CHERP: variants seen among roughly 807,000 people sequenced by gnomAD.
The protein encoded by CHERP is calcium homeostasis endoplasmic reticulum protein.
CHERP carries 8 observed loss-of-function variants against 113.8 expected under a neutral mutation model. The ratio of observed to expected loss-of-function variants is 0.07; its 90% CI spans 0.04 to 0.13. The LOEUF (loss-of-function observed/expected upper bound fraction) is 0.13. Ranked by LOEUF, CHERP falls within the 10% of genes least tolerant of loss-of-function variation. The pLI is 1.00. For missense variants in CHERP, 884 were observed against 1,298.2 expected, an observed-to-expected ratio of 0.68 and a Z score of 4.90; for synonymous variants, 559 against 524.5, an observed-to-expected ratio of 1.07 and a Z score of -0.90.
At position 16,530,887 on chromosome 19, in the gene CHERP, G is replaced by A. The variant is rs1418668451; in HGVS notation, c.675-7C>T. 5 of 1,612,366 alleles carry A rather than the reference G, an allele frequency of 3.1e-6. No homozygotes were observed. The highest frequency in any genetic ancestry group is 2.2e-5 in the East Asian group (1 of 44,880). On this transcript the variant is annotated splice_region_variant and splice_polypyrimidine_tract_variant and intron_variant, in intron 5 of 16. Transcript: ENST00000546361. This position sits in a 1 kb window ranked among gnomAD's most constrained non-coding sequence, Gnocchi z 4.1. The stretch of plus-strand genomic sequence containing the variant: ...CCGGGCCTGCTTGCGCTGGCTGTGA[G>A]GGAGAGACTTTCCGCGCGTCAGGGC...
rs1452657225 is a variant in CHERP at position 16,528,159 on chromosome 19, C to G, written c.1226G>C (p.Gly409Ala). 6.2e-7 allele frequency: 1 copy of G among 1,613,382 alleles called. No individual in the cohort carries two copies. Among genetic ancestry groups the G allele is most frequent in the South Asian group, 1.1e-5 (1 of 91,076 alleles). Reference sequence around the variant, plus strand: ...GTTTGGTGGGATCTGGTCGTGTGGCCCGGGGCCCCGGGGGCCGGCAGCTGC... The same window carrying G: ...GTTTGGTGGGATCTGGTCGTGTGGCGCGGGGCCCCGGGGGCCGGCAGCTGC... The part of the protein sequence containing the change: ...DPAAAGPRGP[G>A]PHDQIPPNKP... The change falls in exon 9 of 17, where the codon GGG becomes GCG. Residue 409 changes from glycine (G) to alanine (A), a missense_variant. By Grantham distance (60) the Gly-to-Ala change is moderately conservative (BLOSUM62 0). This residue lies in a region of CHERP where 464 missense variants were observed against 590.1 expected (regional missense o/e 0.79). Coordinates refer to ENST00000546361, the MANE Select transcript of CHERP (RefSeq NM_006387.6).
Position 16,529,776 on chromosome 19 carries a change from T to G in CHERP, c.1001A>C (p.Gln334Pro). The G allele has an allele frequency of 2.5e-6, 4 of 1,611,316 alleles. No individual in the cohort carries two copies. The highest frequency in any genetic ancestry group is 3.4e-6 in the Non-Finnish European group (4 of 1,179,658). ...FVTSLAQQQQ[Q>P]QQQQQQQLQM... is the part of the protein sequence containing the mutation. Reference sequence around the variant, plus strand: ...GAGCTGCTGCTGCTGCTGTTGCTGCTGCTGCTGCTGCTGGGCCAGGCTGGT... The same window carrying G: ...GAGCTGCTGCTGCTGCTGTTGCTGCGGCTGCTGCTGCTGGGCCAGGCTGGT... The change falls in exon 8 of 17, where the codon CAG becomes CCG. Residue 334 changes from glutamine to proline, a missense_variant. Physicochemically the swap from Gln to Pro is moderately conservative, Grantham distance 76. This residue lies in a region of CHERP where 464 missense variants were observed against 590.1 expected (regional missense o/e 0.79). Coordinates refer to ENST00000546361, the MANE Select transcript of CHERP (RefSeq NM_006387.6).
chr19:16,536,881 G>A (rs2085744664), intron 2 of CHERP, among the ~76,000 whole-genome samples: 3 of 152,110 alleles, frequency 2.0e-5, no homozygotes, highest in South Asian at 4.1e-4. Flanking sequence ...GCGTGGTGGC[G>A]GGCACCTGTA....
chr19:16,518,811 G>A lies in CHERP; in HGVS notation c.*348C>T, dbSNP rs1007965250. The A allele has an allele frequency of 3.5e-6, 1 of 284,810 alleles. No individual in the cohort carries two copies. Among genetic ancestry groups the A allele is most frequent in the Non-Finnish European group, 6.7e-6 (1 of 149,358 alleles). 17.6% of individuals were successfully genotyped at this position (284,810 alleles called of 1,614,324 possible). A position where few individuals can be genotyped will look rare whatever the true frequency, so the allele number is the denominator to read the frequency against. ...ATGCTCCTCCTGGAGCCTAGGAGGA[G>A]GCTTCAATCTGACTTAGGGCAGATG... On this transcript the variant is annotated 3_prime_UTR_variant, in exon 17 of 17. Coordinates refer to ENST00000546361, the MANE Select transcript of CHERP (RefSeq NM_006387.6).
chr19:16,525,743 C>T lies in CHERP; in HGVS notation c.1306-66G>A, dbSNP rs992515174. On this transcript the variant is annotated intron_variant, in intron 9 of 16. Coordinates refer to ENST00000546361, the MANE Select transcript of CHERP (RefSeq NM_006387.6). The surrounding 1 kb of genome is among the most constrained non-coding windows in gnomAD (Gnocchi z 6.5). ...GCCCTAGTGCTCGGCAGCATCACAG[C>T]GCTCGGCAGCATCACAGCGCTGGCT... is the stretch of plus-strand genomic sequence containing the variant. The T allele has an allele frequency of 1.3e-5, 17 of 1,359,892 alleles. No individual in the cohort carries two copies. The highest frequency in any genetic ancestry group is 2.1e-4 in the Middle Eastern group (1 of 4,820). 84.2% of individuals were successfully genotyped at this position (1,359,892 alleles called of 1,614,324 possible). A position where few individuals can be genotyped will look rare whatever the true frequency, so the allele number is the denominator to read the frequency against.
rs1297334785 is a variant in CHERP at position 16,520,048 on chromosome 19, GCCT to G, written c.2462+98_2462+100del. 32 of 1,236,308 alleles carry G rather than the reference GCCT, an allele frequency of 2.6e-5. No homozygotes were observed. In the South Asian group the frequency reaches 2.6e-4, roughly 10 times the overall value. The allele number at this position is 1,236,308 out of a possible 1,614,324, so 76.6% of individuals were successfully genotyped here. On this transcript the variant is annotated intron_variant, in intron 15 of 16. Transcript: ENST00000546361. This position sits in a 1 kb window ranked among gnomAD's most constrained non-coding sequence, Gnocchi z 4.0. ...CACTGTCCCCGGGCTAATGCTGGCG[GCCT>G]CCTAACACAGTCTCCTAACCACCAA...
intron 11 of CHERP, among the ~76,000 whole-genome samples, chr19:16,522,084 C>T (rs12461608): frequency 0.024 from 3,580 of 152,194 alleles, 118 homozygotes; most frequent in Admixed American, 0.082. Flanking sequence ...CCGTCTCTGT[C>T]CTCCTGTTGA....
rs776626403 is a variant in CHERP at position 16,519,594 on chromosome 19, C to T, written c.2557+27G>A. 1.0e-5 allele frequency: 16 copies of T among 1,584,102 alleles called. No homozygotes were observed. Among genetic ancestry groups the T allele is most frequent in the South Asian group, 5.5e-5 (5 of 90,446 alleles). ...GCCCAGCACGCGTGAGGACCCATCC[C>T]GCGCCCTCCCCATTCCCTCGCCTTA... On this transcript the variant is annotated intron_variant, in intron 16 of 16. Transcript: ENST00000546361. The surrounding 1 kb of genome is among the most constrained non-coding windows in gnomAD (Gnocchi z 6.0).
At position 16,519,094 on chromosome 19, in the gene CHERP, C is replaced by A. The variant is rs1183746892; in HGVS notation, c.*65G>T. ...AGCTGTCACTGCAATCTTCCTCTGC[C>A]AGTCAGCCAGGAAGGTCCCACAGCC... On this transcript the variant is annotated 3_prime_UTR_variant, in exon 17 of 17. Transcript: ENST00000546361. The surrounding 1 kb of genome is among the most constrained non-coding windows in gnomAD (Gnocchi z 6.0). 1.4e-6 allele frequency: 2 copies of A among 1,422,942 alleles called. No homozygotes were observed. Among genetic ancestry groups the A allele is most frequent in the Non-Finnish European group, 1.9e-6 (2 of 1,035,244 alleles). 88.1% of individuals were successfully genotyped at this position (1,422,942 alleles called of 1,614,324 possible).
In CHERP at chr19:16,525,642, G is replaced by A. The variant is rs2085652934; in HGVS notation, c.1341C>T (p.Gly447=). Residue 447 remains glycine (G), a synonymous_variant, in exon 10 of 17, where the codon GGC becomes GGT. Coordinates refer to ENST00000546361, the MANE Select transcript of CHERP (RefSeq NM_006387.6). This position sits in a 1 kb window ranked among gnomAD's most constrained non-coding sequence, Gnocchi z 6.5. ...PEQPPYPHHQ[G]GPPHCPPWNN... Reference sequence around the variant, plus strand: ...TCCAGGGGGGGCAGTGGGGTGGGCCGCCCTGGTGGTGCGGGTAGGGTGGCT... The same window carrying A: ...TCCAGGGGGGGCAGTGGGGTGGGCCACCCTGGTGGTGCGGGTAGGGTGGCT... 2.0e-6 allele frequency: 3 copies of A among 1,526,144 alleles called. No homozygotes were observed. The highest frequency in any genetic ancestry group is 2.6e-6 in the Non-Finnish European group (3 of 1,138,832). 94.5% of individuals were successfully genotyped at this position (1,526,144 alleles called of 1,614,324 possible). A position where few individuals can be genotyped will look rare whatever the true frequency, so the allele number is the denominator to read the frequency against.
chr19:16,539,454 G>A (rs919286895), intron 2 of CHERP, among the ~76,000 whole-genome samples: 4 of 152,084 alleles, frequency 2.6e-5, no homozygotes, highest in Admixed American at 6.6e-5. Flanking sequence ...GCCTAGCAAC[G>A]GTTTTAAACT....
rs1433472680 is a variant in CHERP, at chr19:16,535,645, AGAG to A, written c.200-12_200-10del. ...CTGCTGCTTGCAGATGACTGGAGGGAGAGGAGGAGGGGTGCCCCATGAGAATGC... is the reference window on the plus strand; with the variant it reads ...CTGCTGCTTGCAGATGACTGGAGGGAGAGGAGGGGTGCCCCATGAGAATGC... On this transcript the variant is annotated splice_polypyrimidine_tract_variant and intron_variant, in intron 2 of 16. Transcript: ENST00000546361. This position sits in a 1 kb window ranked among gnomAD's most constrained non-coding sequence, Gnocchi z 4.3. The A allele has an allele frequency of 6.0e-6, 9 of 1,500,454 alleles. No individual in the cohort carries two copies. Among genetic ancestry groups the A allele is most frequent in the Admixed American group, 4.5e-5 (2 of 44,686 alleles). 92.9% of individuals were successfully genotyped at this position (1,500,454 alleles called of 1,614,324 possible).
At chr19:16,536,612 C>G (rs2085743032) in intron 2 of CHERP, among the ~76,000 whole-genome samples, 1 of 152,216 alleles carries the variant, frequency 6.6e-6, no homozygotes, top group Non-Finnish European at 1.5e-5. Context: ...CCCCCAACTT[C>G]TGCACTGAAT....
intron 9 of CHERP, among the ~76,000 whole-genome samples, chr19:16,526,436 G>A (rs2085658065): frequency 2.0e-5 from 3 of 152,222 alleles, no homozygotes; most frequent in Admixed American, 1.3e-4. Flanking sequence ...AGAGAAGCCA[G>A]AGAGCCAGAT....
At position 16,537,226 on chromosome 19, in the gene CHERP, C is replaced by CG. The variant is rs1355338411; in HGVS notation, c.200-1591dup. Reference sequence around the variant, plus strand: ...GACACCCTCACTCAACTCAGCCCCCCGGGCCTGTCGCAGGTGCTTGCCTCC... The same window carrying CG: ...GACACCCTCACTCAACTCAGCCCCCCGGGGCCTGTCGCAGGTGCTTGCCTCC... On this transcript the variant is annotated intron_variant, in intron 2 of 16. Coordinates refer to ENST00000546361, the MANE Select transcript of CHERP (RefSeq NM_006387.6). Among the ~76,000 whole-genome samples the CG allele has an allele frequency of 2.6e-5, 4 of 151,308 alleles. No homozygotes were observed. The South Asian group carries it at 6.3e-4, about 24-fold the overall frequency.
intron 2 of CHERP, among the ~76,000 whole-genome samples, chr19:16,537,410 T>C (rs1266502168): frequency 6.6e-6 from 1 of 152,112 alleles, no homozygotes; most frequent in Non-Finnish European, 1.5e-5. Flanking sequence ...TTCCTGTGGC[T>C]GCGATTGTGC....
intron 2 of CHERP, among the ~76,000 whole-genome samples, chr19:16,539,442 C>T (rs965979658): frequency 5.9e-5 from 9 of 152,244 alleles, no homozygotes; most frequent in Middle Eastern, 6.8e-3. Context: ...CCACCGCGCC[C>T]GGCCTAGCAA....
intron 1 of CHERP, 55 bp downstream of exon 1, chr19:16,542,299 C>T (rs1254579665): frequency 1.4e-6 from 2 of 1,381,588 alleles, no homozygotes; most frequent in Non-Finnish European, 1.9e-6. Context: ...GCGGGGCCGG[C>T]CAATAGGAGG....
chr19:16,539,577 CT>C (rs1186777022), intron 2 of CHERP: 1 of 152,188 alleles, frequency 6.6e-6, no homozygotes, highest in African/African-American at 2.4e-5. Context: ...CATCTCAAAC[CT>C]AAATAGGCAT....
Sources: allele counts gnomAD v4.1 joint callset (sites outside exome capture counted in the v4.1 genomes callset), GRCh38; gene constraint gnomAD v4.1.1; regional missense constraint gnomAD v4.1.1; non-coding constraint Gnocchi (gnomAD v3.1); transcripts MANE v1.5; gene names NCBI Gene and HGNC (gene_info 2026-07-23, HGNC 2026-07-21).